Variants in LRRC9 observed in about 807,000 individuals in gnomAD.
LRRC9 encodes leucine-rich repeat-containing protein 9.
LRRC9 carries 122 observed loss-of-function variants against 63.2 expected under a neutral mutation model. That is an observed-to-expected ratio of 1.93 (90% confidence interval 1.67 to 2.24). The LOEUF is 2.24. Among genes scored for constraint, LRRC9 ranks in the 30% most tolerant of loss-of-function variants. The probability of loss-of-function intolerance (pLI) is 0.00; values close to 1 mark genes in which losing one functional copy is unlikely to be tolerated. For missense variants in LRRC9, 1,071 were observed against 627.7 expected (o/e 1.71, Z -7.55); for synonymous variants, 366 against 213.1 (o/e 1.72, Z -6.25).
chr14:59,995,602 T>C (rs1179084940), intron 17 of LRRC9, among the ~76,000 whole-genome samples: 1 of 152,162 alleles, frequency 6.6e-6, no homozygotes, highest in Non-Finnish European at 1.5e-5. Flanking sequence ...TAAAACAAAA[T>C]GCTATTGCAA....
intron 19 of LRRC9, among the ~76,000 whole-genome samples, chr14:60,000,530 T>G (rs941875117): frequency 1.3e-5 from 2 of 152,056 alleles, no homozygotes; most frequent in African/African-American, 4.8e-5. Context: ...GCTAGACAAA[T>G]AGACCAATGG....
At chr14:60,063,008 C>T (rs555110548) in intron 31 of LRRC9, among the ~76,000 whole-genome samples, 2 of 152,132 alleles carry the variant, frequency 1.3e-5, no homozygotes, top group African/African-American at 4.8e-5. Flanking sequence ...TCTCCTGCCT[C>T]AGCCTCTCGA....
At chr14:60,022,848 T>C (rs1222239955) in exon 27 of LRRC9, 1 of 676,926 alleles carries the variant, frequency 1.5e-6, no homozygotes, top group Non-Finnish European at 2.7e-6. Flanking sequence ...GACTAAGAAA[T>C]TTAAAATTCC....
intron 29 of LRRC9, among the ~76,000 whole-genome samples, chr14:60,052,090 T>C (rs1440553788): frequency 2.0e-5 from 3 of 152,166 alleles, no homozygotes; most frequent in Non-Finnish European, 4.4e-5. Flanking sequence ...TCTCTGGGAG[T>C]GCTGCAGACT....
rs117632797 is a variant in LRRC9, at chr14:60,042,698, C to T, written c.3991-10367C>T. On this transcript the variant is annotated intron_variant, in intron 29 of 31. Coordinates refer to ENST00000445360, the Ensembl canonical transcript of LRRC9. The surrounding 1 kb of genome is among the most constrained non-coding windows in gnomAD (Gnocchi z 4.2). ...GAATTTCCCCACCCTTTGCACTTCC[C>T]GGGTGAGGCAATGCCCTGTCCTGCT... Among the ~76,000 whole-genome samples, 525 of 152,254 alleles carry T rather than the reference C, an allele frequency of 3.4e-3. 17 individuals carry two copies. The East Asian group carries it at 0.057, about 17-fold the overall frequency.
chr14:60,003,271 G>A lies in LRRC9; in HGVS notation c.2665-350G>A, dbSNP rs1436041676. ...CATCACTGGCTGAGGGCCAACCTGG[G>A]AAGGAGAGTGACCTTGGCAGCTGTC... On this transcript the variant is annotated intron_variant, in intron 20 of 31. Transcript: ENST00000445360. The surrounding 1 kb of genome is among the most constrained non-coding windows in gnomAD (Gnocchi z 4.2). 6.6e-6 allele frequency among the ~76,000 whole-genome samples: 1 copy of A among 152,174 alleles called. No homozygotes were observed. Among genetic ancestry groups the A allele is most frequent in the Non-Finnish European group, 1.5e-5 (1 of 68,030 alleles).
intron 26 of LRRC9, 63 bp from the exon 27 acceptor site, chr14:60,022,671 C>T (rs748315056): frequency 3.1e-5 from 15 of 483,524 alleles, no homozygotes; most frequent in Non-Finnish European, 5.5e-5. Context: ...ACTGAACTGT[C>T]TTTTTATAAT....
At chr14:60,000,492 C>G (rs777678978) in intron 19 of LRRC9, among the ~76,000 whole-genome samples, 15 of 151,990 alleles carry the variant, frequency 9.9e-5, no homozygotes, top group Non-Finnish European at 1.8e-4. Flanking sequence ...TGCTAAAATC[C>G]TTTAAGACAA....
At chr14:59,928,604 G>A (rs1283995432) in intron 3 of LRRC9, 118 bp downstream of exon 3, 3 of 418,620 alleles carry the variant, frequency 7.2e-6, no homozygotes, top group African/African-American at 4.1e-5. Flanking sequence ...AATGAACAAA[G>A]GCTAGAAATT....
Position 60,035,470 on chromosome 14 carries a change from T to A in LRRC9, c.3990+3407T>A, listed in dbSNP as rs1379733207. ...CCAATGCTTTCTTCTAGTAGTTTCA[T>A]AGTTTCAGGTCTTAGATTCAAGTCT... On this transcript the variant is annotated intron_variant, in intron 29 of 31. Transcript: ENST00000445360. 2.6e-5 allele frequency among the ~76,000 whole-genome samples: 4 copies of A among 152,210 alleles called. No individual in the cohort carries two copies. In the East Asian group the frequency reaches 7.7e-4, roughly 29 times the overall value.
At chr14:59,994,658 A>C (rs1158599335) in intron 17 of LRRC9, among the ~76,000 whole-genome samples, 2 of 152,218 alleles carry the variant, frequency 1.3e-5, no homozygotes, top group Non-Finnish European at 2.9e-5. Flanking sequence ...TGGCAAATAT[A>C]CACCATGGAA....
rs1359600212 is a variant in LRRC9, at chr14:60,051,796, C to A, written c.3991-1269C>A. Among the ~76,000 whole-genome samples the A allele has an allele frequency of 3.3e-5, 5 of 152,218 alleles. No individual in the cohort carries two copies. In the East Asian group the frequency reaches 9.6e-4, roughly 29 times the overall value. On this transcript the variant is annotated intron_variant, in intron 29 of 31. Coordinates refer to ENST00000445360, the Ensembl canonical transcript of LRRC9. The surrounding 1 kb of genome is among the most constrained non-coding windows in gnomAD (Gnocchi z 4.7). The stretch of plus-strand genomic sequence containing the variant: ...CAAGACTCCACACTGCTCTGTGTAT[C>A]AGACCCAAAGCCCTGGAGACATGGG...
rs190941105 is a variant in LRRC9 at position 60,060,568 on chromosome 14, G to A, written c.4276+2546G>A. ...ATCCTGGCTAACACGGTGAAACCCC[G>A]TCTCTACTAAAAATACAAAAAAATT... On this transcript the variant is annotated intron_variant, in intron 31 of 31. Coordinates refer to ENST00000445360, the Ensembl canonical transcript of LRRC9. The surrounding 1 kb of genome is among the most constrained non-coding windows in gnomAD (Gnocchi z 4.0). Among the ~76,000 whole-genome samples the A allele has an allele frequency of 3.9e-5, 6 of 151,976 alleles. No individual in the cohort carries two copies. Among genetic ancestry groups the A allele is most frequent in the Admixed American group, 1.3e-4 (2 of 15,234 alleles).
chr14:59,962,068 T>C lies in LRRC9; in HGVS notation c.1211+1023T>C, dbSNP rs1422320800. Among the ~76,000 whole-genome samples the C allele has an allele frequency of 6.6e-6, 1 of 152,250 alleles. No homozygotes were observed. The highest frequency in any genetic ancestry group is 1.5e-5 in the Non-Finnish European group (1 of 68,046). ...AAACTGTTATTGTTATGGGTTACTT[T>C]AAACCAAGTCCCCTGATTTCTATTA... On this transcript the variant is annotated intron_variant, in intron 10 of 31. Transcript: ENST00000445360. The surrounding 1 kb of genome is among the most constrained non-coding windows in gnomAD (Gnocchi z 5.1).
intron 29 of LRRC9, among the ~76,000 whole-genome samples, chr14:60,050,400 G>C (rs997033344): frequency 6.6e-6 from 1 of 152,152 alleles, no homozygotes; most frequent in East Asian, 1.9e-4. Context: ...CTCATGTTGT[G>C]TTTTTCAGCT....
Position 59,958,638 on chromosome 14 carries a change from C to G in LRRC9, c.883-1180C>G, listed in dbSNP as rs1225301617. On this transcript the variant is annotated intron_variant, in intron 8 of 31. Coordinates refer to ENST00000445360, the Ensembl canonical transcript of LRRC9. This position sits in a 1 kb window ranked among gnomAD's most constrained non-coding sequence, Gnocchi z 4.0. ...CCGCTTTGCAGGGGAGTGAAAGGTT[C>G]TCTCTCGCTGGGGTTCCAGGTTACC... 6.6e-6 allele frequency among the ~76,000 whole-genome samples: 1 copy of G among 152,214 alleles called. No individual in the cohort carries two copies. The highest frequency in any genetic ancestry group is 1.5e-5 in the Non-Finnish European group (1 of 68,040).
At chr14:59,935,419 G>A (rs764153992) in intron 6 of LRRC9, among the ~76,000 whole-genome samples, 2 of 151,992 alleles carry the variant, frequency 1.3e-5, no homozygotes, top group Non-Finnish European at 2.9e-5. Flanking sequence ...ATACGACATT[G>A]GTAATCATTA....
At chr14:60,039,660 C>T (rs565639796) in intron 29 of LRRC9, among the ~76,000 whole-genome samples, 1 of 152,098 alleles carries the variant, frequency 6.6e-6, no homozygotes, top group Non-Finnish European at 1.5e-5. Context: ...CTCTTTTCTT[C>T]TTTATTAGTC....
chr14:60,030,518 A>C (rs1436608165), intron 28 of LRRC9: 2 of 151,966 alleles, frequency 1.3e-5, no homozygotes, highest in Non-Finnish European at 2.9e-5. Context: ...ATAATTAATC[A>C]CCTGAAGCTG....
Sources: gnomAD v4.1 joint callset for allele counts (sites outside exome capture counted in the v4.1 genomes callset) on GRCh38, gnomAD v4.1.1 for gene constraint, Gnocchi (gnomAD v3.1) non-coding constraint, MANE v1.5 for transcripts, NCBI Gene and HGNC (gene_info 2026-07-23, HGNC 2026-07-21) for gene names.